Variants in NRXN1 observed in about 807,000 individuals in gnomAD.
NRXN1 encodes neurexin-1.
In NRXN1, 39 loss-of-function variants were observed where a neutral mutation model predicts 150.9. That is an observed-to-expected ratio of 0.26 (90% CI 0.20 to 0.34). The LOEUF (loss-of-function observed/expected upper bound fraction) is 0.34. Among genes scored for constraint, NRXN1 ranks in the 10% least tolerant of loss-of-function variants. The pLI is 1.00. For missense variants in NRXN1, 1,815 were observed against 1,949.9 expected (o/e 0.93, Z 1.30); for synonymous variants, 924 against 757.0 (o/e 1.22, Z -3.62).
At chr2:50,203,311 A>C (rs555959356) in intron 18 of NRXN1, among the ~76,000 whole-genome samples, 26 of 152,332 alleles carry the variant, frequency 1.7e-4, no homozygotes, top group African/African-American at 6.0e-4. Flanking sequence ...TGTAGGAAAC[A>C]AACTCTGAAA....
At chr2:50,896,197 AC>A (rs1681925556) in intron 5 of NRXN1, among the ~76,000 whole-genome samples, 2 of 152,038 alleles carry the variant, frequency 1.3e-5, no homozygotes, top group African/African-American at 4.8e-5. Context: ...TCTCTAAATC[AC>A]CCAAGTATCA....
chr2:50,598,348 G>A (rs954980583), intron 8 of NRXN1, among the ~76,000 whole-genome samples: 7 of 151,814 alleles, frequency 4.6e-5, no homozygotes, highest in African/African-American at 1.7e-4. Context: ...TCTCTTAACA[G>A]GATGCAGCCT....
chr2:50,205,320 G>T (rs74387141), intron 18 of NRXN1, among the ~76,000 whole-genome samples: 1,807 of 152,154 alleles, frequency 0.012, 88 homozygotes, highest in Admixed American at 0.078. Flanking sequence ...GAAACTGATG[G>T]AATGTGTAAA....
chr2:50,708,207 T>C (rs1331653844), intron 5 of NRXN1, among the ~76,000 whole-genome samples: 1 of 152,224 alleles, frequency 6.6e-6, no homozygotes, highest in East Asian at 1.9e-4. Context: ...TTATCTCATG[T>C]AACGATTCCT....
chr2:50,690,371 C>T (rs1051199364), intron 5 of NRXN1, among the ~76,000 whole-genome samples: 16 of 152,166 alleles, frequency 1.1e-4, no homozygotes, highest in Admixed American at 4.6e-4. Context: ...ATGAATGATT[C>T]AGCACGCAGA....
chr2:50,820,448 T>C (rs142390306), intron 5 of NRXN1, among the ~76,000 whole-genome samples: 112 of 152,260 alleles, frequency 7.4e-4, no homozygotes, highest in African/African-American at 2.6e-3. Flanking sequence ...AGCTTGACTG[T>C]AATATTGCTC....
At chr2:50,271,572 C>A (rs2069642488) in intron 17 of NRXN1, among the ~76,000 whole-genome samples, 1 of 152,078 alleles carries the variant, frequency 6.6e-6, no homozygotes, top group African/African-American at 2.4e-5. Flanking sequence ...CAGGTTGAAA[C>A]CCAATGAGAG....
At chr2:50,285,406 G>A (rs763344939) in intron 17 of NRXN1, among the ~76,000 whole-genome samples, 16 of 152,210 alleles carry the variant, frequency 1.1e-4, no homozygotes, top group South Asian at 6.2e-4. Context: ...ATAGCAGGGC[G>A]CAGTCACACA....
chr2:50,100,838 A>C lies in NRXN1; in HGVS notation c.3547-9344T>G, dbSNP rs1343082214. On this transcript the variant is annotated intron_variant, in intron 18 of 22. Transcript: ENST00000401669. ...TTTAAATGTGTCCTTATGTGTAAAG[A>C]ATGTCTTTTATTATTTTTCTCCCTG... 3.3e-5 allele frequency among the ~76,000 whole-genome samples: 5 copies of C among 152,216 alleles called. No individual in the cohort carries two copies. In the East Asian group the frequency reaches 9.6e-4, roughly 29 times the overall value.
chr2:50,639,074 A>G (rs1030643753), intron 5 of NRXN1, among the ~76,000 whole-genome samples: 12 of 152,152 alleles, frequency 7.9e-5, no homozygotes, highest in African/African-American at 2.7e-4. Context: ...CATTAAAAAA[A>G]TGAAGGTCCA....
chr2:49,956,466 G>A (rs1314837829), intron 21 of NRXN1, among the ~76,000 whole-genome samples: 1 of 152,072 alleles, frequency 6.6e-6, no homozygotes, highest in Non-Finnish European at 1.5e-5. Context: ...CTAATAAATG[G>A]TGCCAGTGTT....
At chr2:50,657,022 T>C (rs1686580248) in intron 5 of NRXN1, among the ~76,000 whole-genome samples, 1 of 151,974 alleles carries the variant, frequency 6.6e-6, no homozygotes, top group African/African-American at 2.4e-5. Context: ...CTTAACTCAA[T>C]AAAAACTCTA....
chr2:50,489,103 C>A (rs942489666), intron 15 of NRXN1, among the ~76,000 whole-genome samples: 13 of 152,104 alleles, frequency 8.5e-5, no homozygotes, highest in African/African-American at 2.9e-4. Flanking sequence ...GGCATCTGGG[C>A]ATAGGATTGA....
intron 2 of NRXN1, among the ~76,000 whole-genome samples, chr2:50,974,325 C>G (rs916410970): frequency 1.3e-5 from 2 of 152,088 alleles, no homozygotes; most frequent in African/African-American, 4.8e-5. Flanking sequence ...GACAAACACC[C>G]AACAGATCTT....
At chr2:50,464,856 A>G (rs2088645168) in intron 17 of NRXN1, among the ~76,000 whole-genome samples, 1 of 151,964 alleles carries the variant, frequency 6.6e-6, no homozygotes, top group Non-Finnish European at 1.5e-5. Context: ...CAGATATGCC[A>G]TGATATAATG....
At chr2:50,703,750 T>C (rs1244811556) in intron 5 of NRXN1, among the ~76,000 whole-genome samples, 1 of 152,176 alleles carries the variant, frequency 6.6e-6, no homozygotes, top group Non-Finnish European at 1.5e-5. Context: ...GAATTTGAGC[T>C]AAGAATTTAA....
Position 50,630,071 on chromosome 2 carries a change from T to C in NRXN1, c.833-6456A>G, listed in dbSNP as rs140213749. On this transcript the variant is annotated intron_variant, in intron 5 of 22. Transcript: ENST00000401669. Reference sequence around the variant, plus strand: ...ATGTTGCCACACAGTTGGAGGAAAATATTTAAGAGTCTGCCATGGGATTTC... The same window carrying C: ...ATGTTGCCACACAGTTGGAGGAAAACATTTAAGAGTCTGCCATGGGATTTC... 2.5e-3 allele frequency among the ~76,000 whole-genome samples: 383 copies of C among 151,674 alleles called. 2 individuals carry two copies. The highest frequency in any genetic ancestry group is 8.8e-3 in the African/African-American group (364 of 41,476).
chr2:50,783,990 C>G (rs1704721121), intron 5 of NRXN1, among the ~76,000 whole-genome samples: 1 of 152,140 alleles, frequency 6.6e-6, no homozygotes, highest in Non-Finnish European at 1.5e-5. Context: ...CAACACTTCA[C>G]AGAGTCAGGT....
intron 2 of NRXN1, among the ~76,000 whole-genome samples, chr2:50,987,992 C>T (rs1697977215): frequency 6.6e-6 from 1 of 151,964 alleles, no homozygotes. Flanking sequence ...CTATTCAATT[C>T]AGAAAATCCA....
Sources: gnomAD v4.1 joint callset for allele counts (sites outside exome capture counted in the v4.1 genomes callset) on GRCh38, gnomAD v4.1.1 for gene constraint, MANE v1.5 for transcripts, NCBI Gene and HGNC (gene_info 2026-07-23, HGNC 2026-07-21) for gene names.